The following KANK1 variants were observed in gnomAD, a reference collection of about 807,000 sequenced individuals.
KANK1 encodes KN motif and ankyrin repeat domains 1.
KANK1 carries 109 observed loss-of-function variants against 106.2 expected under a neutral mutation model. That is an observed-to-expected ratio of 1.03 (90% CI 0.88 to 1.20). The LOEUF (loss-of-function observed/expected upper bound fraction) is 1.20, where lower values mean the gene tolerates loss of function less well. Ranked by LOEUF, KANK1 falls within the 50% of genes most tolerant of loss-of-function variation. The probability of loss-of-function intolerance (pLI) is 0.00; values close to 1 mark genes in which losing one functional copy is unlikely to be tolerated. For synonymous variants in KANK1, 873 were observed against 652.2 expected (o/e 1.34, Z -5.16); for missense variants, 2,399 against 1,710.7 (o/e 1.40, Z -7.10).
At chr9:587,028 A>G (rs1270020527) in intron 1 of KANK1, among the ~76,000 whole-genome samples, 1 of 152,182 alleles carries the variant, frequency 6.6e-6, no homozygotes, top group Admixed American at 6.5e-5. Flanking sequence ...GATGGTCACT[A>G]TACTGGATGG....
chr9:591,398 T>G (rs1038581448), intron 1 of KANK1, among the ~76,000 whole-genome samples: 1 of 151,862 alleles, frequency 6.6e-6, no homozygotes, highest in African/African-American at 2.4e-5. Flanking sequence ...TGATCACATC[T>G]TGGCATACCC....
chr9:480,470 C>T (rs2058184348), intron 3 of KANK1, among the ~76,000 whole-genome samples: 1 of 152,212 alleles, frequency 6.6e-6, no homozygotes, highest in Non-Finnish European at 1.5e-5. Flanking sequence ...GTGACATGTC[C>T]TCTGCCTAAA....
intron 1 of KANK1, among the ~76,000 whole-genome samples, chr9:603,400 A>G (rs1458263722): frequency 2.0e-5 from 3 of 151,856 alleles, no homozygotes; most frequent in African/African-American, 7.3e-5. Flanking sequence ...TCATAGTATG[A>G]TAACTCAGCC....
At chr9:730,286 C>T (rs775347593) in intron 4 of KANK1, 38 bp downstream of exon 4, 1 of 1,587,874 alleles carries the variant, frequency 6.3e-7, no homozygotes, top group Non-Finnish European at 8.6e-7. Flanking sequence ...CATCAGGATT[C>T]TAGGGCCAGC....
intron 1 of KANK1, among the ~76,000 whole-genome samples, chr9:505,716 C>T (rs1006127036): frequency 6.6e-6 from 1 of 152,234 alleles, no homozygotes. Flanking sequence ...CGCACGTGGC[C>T]TCTGCGGAGG....
chr9:504,371 C>T (rs928871811), upstream of KANK1, among the ~76,000 whole-genome samples: 2 of 151,842 alleles, frequency 1.3e-5, no homozygotes, highest in Non-Finnish European at 2.9e-5. Flanking sequence ...CGAAGGTGCA[C>T]GAAGGTGCCC....
intron 3 of KANK1, among the ~76,000 whole-genome samples, chr9:490,620 A>G (rs1034468877): frequency 6.6e-6 from 1 of 152,238 alleles, no homozygotes; most frequent in Admixed American, 6.5e-5. Flanking sequence ...AGATAATTTC[A>G]TTATCAAATT....
chr9:622,812 G>C (rs938296350), intron 1 of KANK1, among the ~76,000 whole-genome samples: 4 of 152,112 alleles, frequency 2.6e-5, no homozygotes, highest in Non-Finnish European at 4.4e-5. Flanking sequence ...TGAGGCAGGA[G>C]AATGGCTTGA....
chr9:678,633 C>CTT (rs1816878788), intron 2 of KANK1, among the ~76,000 whole-genome samples: 1 of 152,136 alleles, frequency 6.6e-6, no homozygotes, highest in South Asian at 2.1e-4. Flanking sequence ...GAGGCTAAGA[C>CTT]AGGAATGGCT....
At chr9:683,160 G>A (rs1479448432) in intron 2 of KANK1, among the ~76,000 whole-genome samples, 9 of 152,102 alleles carry the variant, frequency 5.9e-5, no homozygotes, top group Admixed American at 2.6e-4. Context: ...GCATTACCCC[G>A]AAGGCAGAGA....
Position 732,412 on chromosome 9 carries a change from G to A in KANK1, c.3040G>A (p.Asp1014Asn). 1 of 1,614,130 alleles carries A rather than the reference G, an allele frequency of 6.2e-7. No homozygotes were observed. Among genetic ancestry groups the A allele is most frequent in the South Asian group, 1.1e-5 (1 of 91,072 alleles). The change falls in exon 6 of 12, where the codon GAT (aspartate) becomes AAT (asparagine). Residue 1014 changes from aspartate (D) to asparagine (N), a missense_variant. Asp to Asn is a conservative substitution (Grantham distance 23). Coordinates refer to ENST00000382297, the MANE Select transcript of KANK1 (RefSeq NM_015158.5). The stretch of plus-strand genomic sequence containing the variant: ...AACTTCAAGTGATGATTCCAGCTCA[G>A]ATGAAAGCTCTTCTTCCGAGTCAGA... ...ETTSSDDSSS[D>N]ESSSSESDDE... is the part of the protein sequence containing the mutation.
intron 1 of KANK1, among the ~76,000 whole-genome samples, chr9:659,080 G>T (rs1307102845): frequency 6.6e-6 from 1 of 152,124 alleles, no homozygotes; most frequent in Non-Finnish European, 1.5e-5. Flanking sequence ...TATAGTTCGT[G>T]CCTATAAGCC....
chr9:503,906 G>A (rs940786538), upstream of KANK1, among the ~76,000 whole-genome samples: 2 of 152,190 alleles, frequency 1.3e-5, 1 homozygote, highest in East Asian at 3.9e-4. Context: ...GTCTTCTGTG[G>A]AGTCCCCAGA....
chr9:645,210 G>A (rs1482450297), intron 1 of KANK1, among the ~76,000 whole-genome samples: 3 of 149,762 alleles, frequency 2.0e-5, no homozygotes, highest in African/African-American at 7.6e-5. Flanking sequence ...GGAAGCTGAG[G>A]TGGGCAGATC....
chr9:717,592 G>T (rs1033449843), intron 3 of KANK1, among the ~76,000 whole-genome samples: 10 of 152,068 alleles, frequency 6.6e-5, no homozygotes, highest in African/African-American at 2.4e-4. Context: ...TTTAATTCCT[G>T]ATAGTATGAG....
chr9:516,041 T>C (rs1193229016), intron 1 of KANK1, among the ~76,000 whole-genome samples: 1 of 151,792 alleles, frequency 6.6e-6, no homozygotes, highest in Non-Finnish European at 1.5e-5. Context: ...TCTAGCTTTG[T>C]ACTTCTGTGC....
At chr9:553,777 G>A (rs905295740) in intron 1 of KANK1, among the ~76,000 whole-genome samples, 2 of 151,996 alleles carry the variant, frequency 1.3e-5, no homozygotes, top group Non-Finnish European at 2.9e-5. Flanking sequence ...TACTTTTATA[G>A]GAATATTACA....
At chr9:526,163 A>C (rs72705680) in intron 1 of KANK1, among the ~76,000 whole-genome samples, 2,189 of 151,800 alleles carry the variant, frequency 0.014, 134 homozygotes, top group African/African-American at 0.05. Flanking sequence ...GCTAATGAGA[A>C]ACCTGAAAAA....
At chr9:496,104 G>C (rs2132379597) in intron 3 of KANK1, among the ~76,000 whole-genome samples, 1 of 152,272 alleles carries the variant, frequency 6.6e-6, no homozygotes, top group East Asian at 1.9e-4. Flanking sequence ...GCTTCTTGCA[G>C]CTATTTGAAC....
Sources: gnomAD v4.1 joint callset for allele counts (sites outside exome capture counted in the v4.1 genomes callset) on GRCh38, gnomAD v4.1.1 for gene constraint, MANE v1.5 for transcripts, NCBI Gene and HGNC (gene_info 2026-07-23, HGNC 2026-07-21) for gene names.